Variants in ALCAM observed in about 807,000 individuals in gnomAD.
ALCAM encodes activated leukocyte cell adhesion molecule.
A neutral mutation model predicts 70.9 loss-of-function variants in ALCAM; 30 were observed. The observed-to-expected ratio is 0.42, with a 90% confidence interval of 0.32 to 0.57. The LOEUF (loss-of-function observed/expected upper bound fraction) is 0.57, where lower values mean the gene tolerates loss of function less well. Among genes scored for constraint, ALCAM ranks in the 20% least tolerant of loss-of-function variants. ALCAM has a pLI of 0.11. For missense variants in ALCAM, 591 were observed against 695.1 expected, an observed-to-expected ratio of 0.85 and a Z score of 1.68; for synonymous variants, 249 against 242.5, an observed-to-expected ratio of 1.03 and a Z score of -0.25.
chr3:105,373,609 C>T (rs1459839302), intron 1 of ALCAM, among the ~76,000 whole-genome samples: 1 of 152,146 alleles, frequency 6.6e-6, no homozygotes, highest in Non-Finnish European at 1.5e-5. Flanking sequence ...TGAGTCTTAA[C>T]TTTTCCCTTT....
chr3:105,425,640 G>T (rs1275670528), intron 1 of ALCAM, among the ~76,000 whole-genome samples: 1 of 151,726 alleles, frequency 6.6e-6, no homozygotes, highest in Non-Finnish European at 1.5e-5. Context: ...GTAAGCTTAT[G>T]TTTTAAATGT....
intron 1 of ALCAM, among the ~76,000 whole-genome samples, chr3:105,498,703 T>C (rs2152614946): frequency 6.6e-6 from 1 of 152,306 alleles, no homozygotes; most frequent in African/African-American, 2.4e-5. Flanking sequence ...TTAAGGAATC[T>C]AGTAAAACAT....
chr3:105,529,114 T>C (rs940215418), intron 3 of ALCAM, among the ~76,000 whole-genome samples: 2 of 152,190 alleles, frequency 1.3e-5, no homozygotes, highest in Non-Finnish European at 2.9e-5. Flanking sequence ...AGTGTGGCCC[T>C]ATTATAATAT....
intron 1 of ALCAM, among the ~76,000 whole-genome samples, chr3:105,371,466 T>A (rs1044329995): frequency 3.9e-5 from 6 of 152,036 alleles, no homozygotes; most frequent in African/African-American, 1.4e-4. Context: ...TTTAATTTAT[T>A]CCACTTAATT....
intron 1 of ALCAM, among the ~76,000 whole-genome samples, chr3:105,387,181 C>T (rs1041190369): frequency 4.0e-5 from 6 of 151,326 alleles, no homozygotes; most frequent in African/African-American, 1.2e-4. Context: ...GAGGTTGCTG[C>T]TATAGGGAAG....
At chr3:105,510,578 G>A (rs1939211053) in intron 1 of ALCAM, among the ~76,000 whole-genome samples, 1 of 152,074 alleles carries the variant, frequency 6.6e-6, no homozygotes, top group African/African-American at 2.4e-5. Context: ...GTGAAGAGGA[G>A]AAGCAGAGAC....
chr3:105,470,305 G>T (rs1433968634), intron 1 of ALCAM, among the ~76,000 whole-genome samples: 1 of 150,752 alleles, frequency 6.6e-6, no homozygotes, highest in Non-Finnish European at 1.5e-5. Context: ...CTGCAATCAA[G>T]TATGAAGGCC....
chr3:105,509,628 T>G (rs1939179320), intron 1 of ALCAM, among the ~76,000 whole-genome samples: 1 of 152,126 alleles, frequency 6.6e-6, no homozygotes, highest in Admixed American at 6.6e-5. Flanking sequence ...TATCAACCCT[T>G]TATCAGGTAT....
chr3:105,378,990 G>A (rs1935446305), intron 1 of ALCAM, among the ~76,000 whole-genome samples: 1 of 151,960 alleles, frequency 6.6e-6, no homozygotes, highest in Non-Finnish European at 1.5e-5. Flanking sequence ...TATGCTCAGA[G>A]ACTCCAGACT....
At chr3:105,552,750 A>G in intron 14 of ALCAM, 165 bp downstream of exon 14, 1 of 1,445,392 alleles carries the variant, frequency 6.9e-7, no homozygotes, top group Non-Finnish European at 9.1e-7. Flanking sequence ...TTTTGACTAC[A>G]CTGCCTTTGT....
chr3:105,477,968 A>AT (rs965654322), intron 1 of ALCAM, among the ~76,000 whole-genome samples: 1 of 151,954 alleles, frequency 6.6e-6, no homozygotes, highest in Non-Finnish European at 1.5e-5. Flanking sequence ...ATTATAAGCC[A>AT]TTTTTTCCCT....
At chr3:105,402,639 T>G (rs1936116722) in intron 1 of ALCAM, among the ~76,000 whole-genome samples, 1 of 152,092 alleles carries the variant, frequency 6.6e-6, no homozygotes, top group Admixed American at 6.5e-5. Flanking sequence ...CTTGGAGACC[T>G]GTATGACTCA....
intron 14 of ALCAM, among the ~76,000 whole-genome samples, chr3:105,564,129 T>C (rs1350002116): frequency 3.3e-5 from 5 of 152,094 alleles, no homozygotes; most frequent in Non-Finnish European, 7.4e-5. Flanking sequence ...AAAAAACTTG[T>C]TGGGGGCTTA....
At chr3:105,478,498 A>G (rs1938182737) in intron 1 of ALCAM, among the ~76,000 whole-genome samples, 1 of 152,114 alleles carries the variant, frequency 6.6e-6, no homozygotes, top group African/African-American at 2.4e-5. Flanking sequence ...AGTTATCTCC[A>G]TGACTCCCAG....
At chr3:105,534,935 C>T (rs1168539961) in intron 6 of ALCAM, 90 bp downstream of exon 6, 1 of 1,264,820 alleles carries the variant, frequency 7.9e-7, no homozygotes, top group African/African-American at 1.5e-5. Context: ...TCCAATTACT[C>T]TTTGAATTCT....
At chr3:105,534,293 A>G (rs1939914707) in intron 5 of ALCAM, among the ~76,000 whole-genome samples, 1 of 152,134 alleles carries the variant, frequency 6.6e-6, no homozygotes, top group Non-Finnish European at 1.5e-5. Context: ...GGATCTAAAT[A>G]TGTTGCCCTC....
chr3:105,517,589 A>G (rs1029057458), intron 1 of ALCAM, among the ~76,000 whole-genome samples: 1 of 152,178 alleles, frequency 6.6e-6, no homozygotes, highest in Non-Finnish European at 1.5e-5. Flanking sequence ...AGGGAGCACA[A>G]GTAATCAATC....
At chr3:105,521,506 A>C (rs538339408) in intron 2 of ALCAM, among the ~76,000 whole-genome samples, 1 of 152,220 alleles carries the variant, frequency 6.6e-6, no homozygotes, top group South Asian at 2.1e-4. Flanking sequence ...TTAAGCTTGC[A>C]CTCAAGGGGT....
intron 1 of ALCAM, among the ~76,000 whole-genome samples, chr3:105,408,109 C>T (rs1936295084): frequency 6.6e-6 from 1 of 151,888 alleles, no homozygotes; most frequent in Non-Finnish European, 1.5e-5. Context: ...TGGGTAGAAA[C>T]AATATGGTGA....
Sources: gnomAD v4.1 joint callset for allele counts (sites outside exome capture counted in the v4.1 genomes callset) on GRCh38, gnomAD v4.1.1 for gene constraint, MANE v1.5 for transcripts, NCBI Gene and HGNC (gene_info 2026-07-23, HGNC 2026-07-21) for gene names.